The following MRNIP variants were observed in gnomAD, a reference collection of about 807,000 sequenced individuals.
MRNIP encodes MRN complex interacting protein.
A neutral mutation model predicts 29.8 loss-of-function variants in MRNIP; 30 were observed. The observed-to-expected ratio is 1.01, with a 90% confidence interval of 0.75 to 1.36. The LOEUF is 1.36. MRNIP is among the 40% of genes most tolerant of loss of function. MRNIP has a pLI of 0.00. For synonymous variants in MRNIP, 201 were observed against 164.1 expected (o/e 1.23, Z -1.72); for missense variants, 459 against 423.5 (o/e 1.08, Z -0.74).
intron 3 of MRNIP, chr5:179,846,163 T>C (rs1310165832): frequency 1.3e-5 from 2 of 152,234 alleles, no homozygotes; most frequent in African/African-American, 4.8e-5. Flanking sequence ...CTGAAGTCTT[T>C]ATGGGTCTGA....
At chr5:179,851,412 C>A (rs1184226928) in intron 2 of MRNIP, 1 of 456,018 alleles carries the variant, frequency 2.2e-6, no homozygotes, top group Non-Finnish European at 4.4e-6. Context: ...AGCAGAGAAT[C>A]TGACTGAACA....
At chr5:179,844,429 C>G in intron 3 of MRNIP, 1 of 491,612 alleles carries the variant, frequency 2.0e-6, no homozygotes. Flanking sequence ...ATGTTTGAAC[C>G]CGGAAGGCAG....
At chr5:179,851,250 G>A (rs1471104574) in intron 2 of MRNIP, 1 of 455,964 alleles carries the variant, frequency 2.2e-6, no homozygotes, top group Admixed American at 2.3e-5. Flanking sequence ...TACCTGGTAA[G>A]CCAGCCCCTC....
chr5:179,837,627 T>C lies in MRNIP; in HGVS notation c.796A>G (p.Thr266Ala), dbSNP rs1758655979. Residue 266 changes from threonine to alanine, a missense_variant, in exon 7 of 7, where the codon ACC becomes GCC. Coordinates refer to ENST00000292586, the MANE Select transcript of MRNIP (RefSeq NM_016175.4). ...PAGPAQAKQGTPRAQASREGL... is the reference protein window; with the variant it reads ...PAGPAQAKQGAPRAQASREGL... ...TCTCTTGAGGCCTGTGCTCTGGGGG[T>C]CCCTTGCTTAGCCTGTGCTGGACCA... is the stretch of plus-strand genomic sequence containing the variant. The C allele has an allele frequency of 6.2e-7, 1 of 1,614,034 alleles. No homozygotes were observed. Among genetic ancestry groups the C allele is most frequent in the Non-Finnish European group, 8.5e-7 (1 of 1,180,006 alleles).
At chr5:179,851,188 T>G in intron 2 of MRNIP, 1 of 454,114 alleles carries the variant, frequency 2.2e-6, no homozygotes, top group Admixed American at 2.3e-5. Context: ...AAGGAGAATG[T>G]AGAAATATAT....
chr5:179,838,010 G>GC, intron 6 of MRNIP, 125 bp from the exon 7 acceptor site: 1 of 860,192 alleles, frequency 1.2e-6, no homozygotes, highest in Non-Finnish European at 1.8e-6. Context: ...AAGCTGTCAG[G>GC]CTGGGACAGG....
intron 1 of MRNIP, among the ~76,000 whole-genome samples, chr5:179,856,280 T>G (rs776123945): frequency 1.3e-5 from 2 of 152,144 alleles, no homozygotes; most frequent in Non-Finnish European, 2.9e-5. Flanking sequence ...GCTGAGATAG[T>G]ATGGTTCTGC....
chr5:179,847,731 G>T, intron 3 of MRNIP: 1 of 426,216 alleles, frequency 2.3e-6, no homozygotes, highest in Non-Finnish European at 4.3e-6. Context: ...AAAACCACAG[G>T]TCTGGACCTC....
intron 2 of MRNIP, among the ~76,000 whole-genome samples, chr5:179,848,659 G>C (rs2113559129): frequency 6.6e-6 from 1 of 152,288 alleles, no homozygotes; most frequent in East Asian, 1.9e-4. Context: ...CCTATCAGAT[G>C]CTAGTAAGTG....
At chr5:179,843,273 T>C (rs1758991993) in intron 4 of MRNIP, among the ~76,000 whole-genome samples, 1 of 151,252 alleles carries the variant, frequency 6.6e-6, no homozygotes, top group Non-Finnish European at 1.5e-5. Flanking sequence ...AATTAATAAA[T>C]AAGAAATGAA....
In MRNIP at chr5:179,837,915, G is replaced by T. The variant is rs1065154; in HGVS notation, c.538-30C>A. 911,284 of 1,586,700 alleles carry T rather than the reference G, an allele frequency of 0.57. 269,215 individuals carry two copies. Among genetic ancestry groups the T allele is most frequent in the African/African-American group, 0.88 (65,877 of 74,658 alleles). ...AAGAGAAGATGGCCATGCCCTCCAT[G>T]TGTAAGAACAATGCCAGGGCCCAGG... On this transcript the variant is annotated intron_variant, in intron 6 of 6. Transcript: ENST00000292586.
At chr5:179,855,100 C>T (rs562701509) in intron 1 of MRNIP, among the ~76,000 whole-genome samples, 1 of 152,156 alleles carries the variant, frequency 6.6e-6, no homozygotes, top group Non-Finnish European at 1.5e-5. Context: ...AAATGATCTG[C>T]AGACCTCGGC....
At chr5:179,843,464 G>A (rs1467622848) in intron 4 of MRNIP, among the ~76,000 whole-genome samples, 1 of 152,218 alleles carries the variant, frequency 6.6e-6, no homozygotes, top group Non-Finnish European at 1.5e-5. Context: ...GTCTGGCCAG[G>A]TGCAGTGGTT....
At position 179,837,348 on chromosome 5, in the gene MRNIP, CTCCT is replaced by C. The variant is rs1561611279; in HGVS notation, c.*39_*42del. 1.3e-6 allele frequency: 2 copies of C among 1,582,890 alleles called. No homozygotes were observed. The highest frequency in any genetic ancestry group is 2.3e-5 in the South Asian group (2 of 85,984). ...AAAGTGCCTTAGGGGAACCCTGTCC[CTCCT>C]AACAAGTGTATCTCGATTAATAACC... On this transcript the variant is annotated 3_prime_UTR_variant, in exon 7 of 7. Transcript: ENST00000292586.
chr5:179,842,637 C>T (rs1449935706), intron 4 of MRNIP, among the ~76,000 whole-genome samples: 2 of 126,944 alleles, frequency 1.6e-5, no homozygotes, highest in East Asian at 2.7e-4. Context: ...GAGGCGGGGC[C>T]TGCAGTGAGC....
intron 1 of MRNIP, among the ~76,000 whole-genome samples, chr5:179,854,772 TA>T (rs71001054): frequency 0.066 from 9,982 of 152,268 alleles, 364 homozygotes; most frequent in Middle Eastern, 0.13. Flanking sequence ...CCATAATATT[TA>T]AATTCTTGTT....
Position 179,855,806 on chromosome 5 carries a change from G to A in MRNIP, c.67-2369C>T, listed in dbSNP as rs182181570. 3.2e-4 allele frequency among the ~76,000 whole-genome samples: 49 copies of A among 151,868 alleles called. 2 individuals are homozygous for A. The East Asian group carries it at 9.1e-3, about 28-fold the overall frequency. On this transcript the variant is annotated intron_variant, in intron 1 of 6. Coordinates refer to ENST00000292586, the MANE Select transcript of MRNIP (RefSeq NM_016175.4). ...GGACAATGAGCACCTACCAAAAATTGAACTGGGTAATGACTTAGCAATTTT... is the reference window on the plus strand; with the variant it reads ...GGACAATGAGCACCTACCAAAAATTAAACTGGGTAATGACTTAGCAATTTT...
At chr5:179,853,723 G>T (rs1275217302) in intron 1 of MRNIP, among the ~76,000 whole-genome samples, 1 of 150,358 alleles carries the variant, frequency 6.7e-6, no homozygotes, top group Admixed American at 6.6e-5. Context: ...AGTGAGCCAA[G>T]ATTGCACCAC....
At chr5:179,855,492 G>C (rs1759538230) in intron 1 of MRNIP, among the ~76,000 whole-genome samples, 1 of 152,172 alleles carries the variant, frequency 6.6e-6, no homozygotes, top group African/African-American at 2.4e-5. Context: ...ACTAAAACCA[G>C]ATAGTCTAAT....
Sources: gnomAD v4.1 joint callset for allele counts (sites outside exome capture counted in the v4.1 genomes callset) on GRCh38, gnomAD v4.1.1 for gene constraint, MANE v1.5 for transcripts, NCBI Gene and HGNC (gene_info 2026-07-23, HGNC 2026-07-21) for gene names.